DDC: variants seen among roughly 807,000 people sequenced by gnomAD.
DDC encodes dopa decarboxylase, also known as aromatic-L-amino-acid decarboxylase.
Under a neutral mutation model 60.0 loss-of-function variants are expected in DDC, and 43 were observed. That is an observed-to-expected ratio of 0.72 (90% confidence interval 0.56 to 0.92). DDC has a LOEUF of 0.92. Among genes scored for constraint, DDC ranks in the 40% least tolerant of loss-of-function variants. DDC has a pLI of 0.00. For missense variants in DDC, 573 were observed against 620.2 expected, an observed-to-expected ratio of 0.92 and a Z score of 0.81; for synonymous variants, 232 against 234.6, an observed-to-expected ratio of 0.99 and a Z score of 0.10.
At chr7:50,556,494 G>A (rs1294933822) in intron 1 of DDC, among the ~76,000 whole-genome samples, 1 of 152,138 alleles carries the variant, frequency 6.6e-6, no homozygotes, top group African/African-American at 2.4e-5. Flanking sequence ...GGAATGTTGG[G>A]AGAAACACAC....
chr7:50,483,501 C>T (rs2042814727), intron 9 of DDC, among the ~76,000 whole-genome samples: 1 of 152,152 alleles, frequency 6.6e-6, no homozygotes, highest in African/African-American at 2.4e-5. Flanking sequence ...TTTAGACTGG[C>T]TTCAAGATAT....
chr7:50,479,825 A>G lies in DDC; in HGVS notation c.983T>C (p.Leu328Pro). 2 of 1,613,826 alleles carry G rather than the reference A, an allele frequency of 1.2e-6. No homozygotes were observed. The highest frequency in any genetic ancestry group is 2.7e-5 in the African/African-American group (2 of 75,014). Residue 328 changes from leucine (L) to proline (P), a missense_variant, in exon 10 of 15, where the codon CTG becomes CCG. By Grantham distance (98) the Leu-to-Pro change is moderately conservative. Coordinates refer to ENST00000444124, the MANE Select transcript of DDC (RefSeq NM_001082971.2). Reference protein sequence around the residue: ...KRTDLTGAFRLDPTYLKHSHQ... With the variant: ...KRTDLTGAFRPDPTYLKHSHQ... ...GCTGTGCTTCAGGTAAGTGGGGTCCAGTCTAAAGGCTCCCGTTAAGTCTGT... is the reference window on the plus strand; with the variant it reads ...GCTGTGCTTCAGGTAAGTGGGGTCCGGTCTAAAGGCTCCCGTTAAGTCTGT...
chr7:50,469,665 T>C (rs1420211074), intron 12 of DDC, among the ~76,000 whole-genome samples: 1 of 152,194 alleles, frequency 6.6e-6, no homozygotes, highest in African/African-American at 2.4e-5. Flanking sequence ...TCTGGTTCTC[T>C]TGCCATGTAT....
At chr7:50,459,631 C>A (rs1270674103) in intron 14 of DDC, 161 of 166,998 alleles carry the variant, frequency 9.6e-4, no homozygotes, top group African/African-American at 3.7e-3. Flanking sequence ...ATGTGAGGAG[C>A]GCCTCTACCC....
At chr7:50,512,623 C>T (rs927439546) in intron 6 of DDC, among the ~76,000 whole-genome samples, 1 of 152,170 alleles carries the variant, frequency 6.6e-6, no homozygotes, top group Admixed American at 6.5e-5. Flanking sequence ...AGGGAACTGT[C>T]CTCCAAATAT....
intron 1 of DDC, chr7:50,564,030 G>T (rs2045388174): frequency 6.6e-6 from 1 of 152,174 alleles, no homozygotes; most frequent in Non-Finnish European, 1.5e-5. Flanking sequence ...CCCCTTTCCT[G>T]GAGACCAGGG....
At chr7:50,474,579 G>A (rs1202641494) in intron 11 of DDC, among the ~76,000 whole-genome samples, 1 of 152,222 alleles carries the variant, frequency 6.6e-6, no homozygotes, top group African/African-American at 2.4e-5. Context: ...TGTCTGAGGA[G>A]ATCATGTTCC....
chr7:50,514,054 C>A (rs1205943822), intron 6 of DDC, among the ~76,000 whole-genome samples: 1 of 152,280 alleles, frequency 6.6e-6, no homozygotes, highest in East Asian at 1.9e-4. Flanking sequence ...ACGCTAAGAA[C>A]CCTCACGGAG....
rs551099227 is a variant in DDC at position 50,524,597 on chromosome 7, C to T, written c.714+3540G>A. On this transcript the variant is annotated intron_variant, in intron 6 of 14. Transcript: ENST00000444124. ...ATGTTCATTAGTTATCAGGGAACTG[C>T]AAATTAGGACCATGATAACATATTA... is the stretch of plus-strand genomic sequence containing the variant. Among the ~76,000 whole-genome samples the T allele has an allele frequency of 1.2e-4, 19 of 152,164 alleles. No individual in the cohort carries two copies. The South Asian group carries it at 3.7e-3, about 30-fold the overall frequency.
rs114705060 is a variant in DDC at position 50,464,932 on chromosome 7, G to A, written c.1243-1501C>T. Among the ~76,000 whole-genome samples, 1,014 of 152,288 alleles carry A rather than the reference G, an allele frequency of 6.7e-3. 16 individuals carry two copies. Among genetic ancestry groups the A allele is most frequent in the African/African-American group, 0.023 (961 of 41,540 alleles). ...AAGTGAGCCACAGTGTTTGACTAAC[G>A]CGCTTCCTCCAGAAACTGGATTTGC... On this transcript the variant is annotated intron_variant, in intron 13 of 14. Transcript: ENST00000444124.
chr7:50,519,476 A>G (rs139149275), intron 6 of DDC, among the ~76,000 whole-genome samples: 1,906 of 152,348 alleles, frequency 0.013, 35 homozygotes, highest in African/African-American at 0.044. Flanking sequence ...CAATTGCAAA[A>G]TCGTGGAACC....
intron 4 of DDC, among the ~76,000 whole-genome samples, chr7:50,537,652 G>A (rs1181840166): frequency 4.6e-5 from 7 of 152,300 alleles, no homozygotes; most frequent in African/African-American, 1.4e-4. Context: ...CCTGCCCTGG[G>A]GAAGCGAGTG....
At chr7:50,559,871 A>C (rs2045300029) in intron 1 of DDC, among the ~76,000 whole-genome samples, 1 of 152,268 alleles carries the variant, frequency 6.6e-6, no homozygotes, top group Admixed American at 6.5e-5. Context: ...AAAAGTAATT[A>C]GATCCCCCAG....
At chr7:50,554,655 C>T (rs1246779681) in intron 1 of DDC, among the ~76,000 whole-genome samples, 31 of 152,182 alleles carry the variant, frequency 2.0e-4, no homozygotes, top group Non-Finnish European at 1.5e-5. Context: ...AGATAACAGT[C>T]AGGGACTAGA....
chr7:50,510,732 A>G (rs2043539775), intron 6 of DDC, among the ~76,000 whole-genome samples: 1 of 151,652 alleles, frequency 6.6e-6, no homozygotes, highest in Non-Finnish European at 1.5e-5. Flanking sequence ...CTGTAATCAC[A>G]GCACTTTGGG....
intron 1 of DDC, among the ~76,000 whole-genome samples, chr7:50,557,841 G>A (rs1203284422): frequency 6.6e-6 from 1 of 152,110 alleles, no homozygotes; most frequent in Non-Finnish European, 1.5e-5. Context: ...TTGAAAAACT[G>A]GAATGATACA....
intron 1 of DDC, among the ~76,000 whole-genome samples, chr7:50,549,517 G>A (rs6975015): frequency 0.089 from 13,541 of 152,094 alleles, 689 homozygotes; most frequent in South Asian, 0.12. Flanking sequence ...AGCCAGGTGT[G>A]GTGGCGGGCT....
intron 12 of DDC, among the ~76,000 whole-genome samples, chr7:50,469,264 A>ATTT (rs1231259896): frequency 0.03 from 4,453 of 149,130 alleles, 130 homozygotes; most frequent in African/African-American, 0.074. Context: ...TTAAAAAAAA[A>ATTT]AAAAAAAAAA....
At chr7:50,528,335 C>A in intron 5 of DDC, 55 bp from the exon 6 acceptor site, 2 of 1,610,838 alleles carry the variant, frequency 1.2e-6, no homozygotes, top group South Asian at 2.2e-5. Context: ...GCAGTTATTA[C>A]CAGGCCCTGG....
Sources: allele counts gnomAD v4.1 joint callset (sites outside exome capture counted in the v4.1 genomes callset), GRCh38; gene constraint gnomAD v4.1.1; transcripts MANE v1.5; gene names NCBI Gene and HGNC (gene_info 2026-07-23, HGNC 2026-07-21).